GRM8: variants seen among roughly 807,000 people sequenced by gnomAD.
GRM8 encodes the protein metabotropic glutamate receptor 8.
In GRM8, 47 loss-of-function variants were observed where a neutral mutation model predicts 87.2. The observed-to-expected ratio is 0.54, with a 90% CI of 0.43 to 0.69. GRM8 has a LOEUF of 0.69. Ranked by LOEUF, GRM8 falls within the 30% of genes least tolerant of loss-of-function variation. The probability of loss-of-function intolerance (pLI) is 0.00; values close to 1 mark genes in which losing one functional copy is unlikely to be tolerated. For missense variants in GRM8, 1,019 were observed against 1,139.2 expected (o/e 0.89, Z 1.52); for synonymous variants, 396 against 404.5 (o/e 0.98, Z 0.25).
At chr7:127,189,715 T>C (rs777884142) in intron 2 of GRM8, among the ~76,000 whole-genome samples, 8 of 152,166 alleles carry the variant, frequency 5.3e-5, no homozygotes, top group Non-Finnish European at 8.8e-5. Context: ...TGCATCTCTG[T>C]CTGGTTCATG....
intron 6 of GRM8, among the ~76,000 whole-genome samples, chr7:126,829,870 C>T (rs531632946): frequency 3.3e-5 from 5 of 152,064 alleles, no homozygotes; most frequent in Non-Finnish European, 7.3e-5. Flanking sequence ...TTACTGCTTC[C>T]TTCAGGAGCT....
At chr7:126,686,023 G>A (rs536050079) in intron 7 of GRM8, among the ~76,000 whole-genome samples, 1 of 151,906 alleles carries the variant, frequency 6.6e-6, no homozygotes, top group African/African-American at 2.4e-5. Context: ...GCAGAGGACA[G>A]ACAGATGATG....
At position 126,909,631 on chromosome 7, in the gene GRM8, C is replaced by T. The variant is rs144313212; in HGVS notation, c.728-4948G>A. On this transcript the variant is annotated intron_variant, in intron 3 of 10. Coordinates refer to ENST00000339582, the MANE Select transcript of GRM8 (RefSeq NM_000845.3). ...AATTTCCTGGCTAGTTTCCTTGCAG[C>T]CTGTGTATTTTTTTTCCTTCTGGTT... Among the ~76,000 whole-genome samples, 1,304 of 152,240 alleles carry T rather than the reference C, an allele frequency of 8.6e-3. 7 individuals carry two copies. The highest frequency in any genetic ancestry group is 0.014 in the Middle Eastern group (4 of 294).
At position 126,781,581 on chromosome 7, in the gene GRM8, T is replaced by C. The variant is rs184833732; in HGVS notation, c.1157-11516A>G. Among the ~76,000 whole-genome samples the C allele has an allele frequency of 1.5e-4, 23 of 152,358 alleles. No homozygotes were observed. The East Asian group carries it at 3.1e-3, about 20-fold the overall frequency. On this transcript the variant is annotated intron_variant, in intron 6 of 10. Coordinates refer to ENST00000339582, the MANE Select transcript of GRM8 (RefSeq NM_000845.3). ...AAAAGTAAAACATTTCCCCTTTCCA[T>C]TATCTTTTTAAGATTTTGTCAACAA...
At chr7:126,716,308 A>G (rs1014322671) in intron 7 of GRM8, among the ~76,000 whole-genome samples, 1 of 151,634 alleles carries the variant, frequency 6.6e-6, no homozygotes, top group African/African-American at 2.4e-5. Flanking sequence ...TCATGTTGGC[A>G]GCAACAATTT....
At chr7:126,650,021 G>C in intron 7 of GRM8, among the ~76,000 whole-genome samples, 1 of 152,166 alleles carries the variant, frequency 6.6e-6, no homozygotes, top group Non-Finnish European at 1.5e-5. Flanking sequence ...CTCTCCTTTT[G>C]AGAGATAGCT....
chr7:126,965,669 G>GT (rs1403496280), intron 3 of GRM8, among the ~76,000 whole-genome samples: 1 of 151,894 alleles, frequency 6.6e-6, no homozygotes, highest in Non-Finnish European at 1.5e-5. Flanking sequence ...TACCATAAGG[G>GT]TTTTTTCCCT....
intron 3 of GRM8, among the ~76,000 whole-genome samples, chr7:127,074,022 G>A (rs1489424425): frequency 6.6e-6 from 1 of 152,180 alleles, no homozygotes; most frequent in Non-Finnish European, 1.5e-5. Context: ...AGAAGTTTTA[G>A]TAGTGCTGTA....
chr7:126,903,565 TAC>T (rs35182354), intron 5 of GRM8, among the ~76,000 whole-genome samples: 10,234 of 118,526 alleles, frequency 0.086, 879 homozygotes, highest in East Asian at 0.13. Flanking sequence ...CCTAAATACA[TAC>T]ACACACACAC....
At chr7:126,495,561 T>A (rs1166684979) in intron 9 of GRM8, among the ~76,000 whole-genome samples, 1 of 151,946 alleles carries the variant, frequency 6.6e-6, no homozygotes, top group Non-Finnish European at 1.5e-5. Context: ...GAATTCTAAT[T>A]GGGATTTCCA....
At chr7:126,905,282 C>T (rs1192957013) in intron 3 of GRM8, among the ~76,000 whole-genome samples, 2 of 152,102 alleles carry the variant, frequency 1.3e-5, no homozygotes, top group Non-Finnish European at 2.9e-5. Context: ...CTATGAAAAT[C>T]GAAATGGCAG....
At chr7:126,467,846 G>A (rs572915509) in intron 9 of GRM8, among the ~76,000 whole-genome samples, 7 of 151,970 alleles carry the variant, frequency 4.6e-5, no homozygotes, top group Non-Finnish European at 7.4e-5. Flanking sequence ...GTCAAAGAAT[G>A]AGGTCAATAT....
At chr7:127,221,286 G>A (rs936785792) in intron 2 of GRM8, among the ~76,000 whole-genome samples, 3 of 152,172 alleles carry the variant, frequency 2.0e-5, no homozygotes, top group Non-Finnish European at 4.4e-5. Flanking sequence ...TGTTACCCAG[G>A]CCAGTGGTTT....
chr7:126,446,690 C>T (rs1482580324), intron 9 of GRM8, among the ~76,000 whole-genome samples: 3 of 151,976 alleles, frequency 2.0e-5, no homozygotes, highest in African/African-American at 7.2e-5. Context: ...TGGCAAAACA[C>T]TAACACTTAA....
At chr7:126,848,607 G>A (rs1796924015) in intron 6 of GRM8, among the ~76,000 whole-genome samples, 2 of 152,168 alleles carry the variant, frequency 1.3e-5, no homozygotes, top group South Asian at 4.2e-4. Context: ...GATCACTTGT[G>A]GCCAGAAATT....
intron 2 of GRM8, among the ~76,000 whole-genome samples, chr7:127,211,144 G>A (rs1048937744): frequency 6.6e-6 from 1 of 152,158 alleles, no homozygotes; most frequent in African/African-American, 2.4e-5. Flanking sequence ...ACCACAAGGC[G>A]AGGTCCTACA....
At chr7:127,204,730 A>T (rs191767524) in intron 2 of GRM8, among the ~76,000 whole-genome samples, 2 of 152,280 alleles carry the variant, frequency 1.3e-5, no homozygotes, top group African/African-American at 4.8e-5. Flanking sequence ...TAGTGCTTCA[A>T]ATAATTCTTT....
At chr7:127,042,793 C>T (rs1818547456) in intron 3 of GRM8, among the ~76,000 whole-genome samples, 1 of 152,148 alleles carries the variant, frequency 6.6e-6, no homozygotes, top group African/African-American at 2.4e-5. Context: ...CACTTCTGCA[C>T]AGCAAAAGAA....
At chr7:126,925,612 CA>C (rs1457241676) in intron 3 of GRM8, among the ~76,000 whole-genome samples, 1 of 152,138 alleles carries the variant, frequency 6.6e-6, no homozygotes, top group Non-Finnish European at 1.5e-5. Context: ...TCTTTATCCA[CA>C]AAAATCCATA....
Sources: gnomAD v4.1 joint callset for allele counts (sites outside exome capture counted in the v4.1 genomes callset) on GRCh38, gnomAD v4.1.1 for gene constraint, MANE v1.5 for transcripts, NCBI Gene and HGNC (gene_info 2026-07-23, HGNC 2026-07-21) for gene names.